Variants in FNDC3A observed in about 807,000 individuals in gnomAD.
The protein encoded by FNDC3A is fibronectin type-III domain-containing protein 3A.
A neutral mutation model predicts 148.9 loss-of-function variants in FNDC3A; 32 were observed. The ratio of observed to expected loss-of-function variants is 0.21; its 90% CI spans 0.16 to 0.29. The LOEUF is 0.29. Among genes scored for constraint, FNDC3A ranks in the 10% least tolerant of loss-of-function variants. FNDC3A has a pLI of 1.00. For synonymous variants in FNDC3A, 472 were observed against 473.6 expected, an observed-to-expected ratio of 1.00 and a Z score of 0.04; for missense variants, 1,191 against 1,452.8, an observed-to-expected ratio of 0.82 and a Z score of 2.93.
intron 25 of FNDC3A, among the ~76,000 whole-genome samples, chr13:49,205,047 A>G (rs1412003824): frequency 6.6e-6 from 1 of 152,218 alleles, no homozygotes; most frequent in Non-Finnish European, 1.5e-5. Context: ...GTACATCAAG[A>G]GTCCCTGTCC....
chr13:49,147,997 A>T (rs1440297971), intron 8 of FNDC3A, among the ~76,000 whole-genome samples: 2 of 152,106 alleles, frequency 1.3e-5, no homozygotes, highest in African/African-American at 2.4e-5. Context: ...GTATTTTTTC[A>T]TATACCTGTT....
intron 2 of FNDC3A, among the ~76,000 whole-genome samples, chr13:49,016,266 T>C (rs886565271): frequency 1.3e-5 from 2 of 152,140 alleles, no homozygotes; most frequent in African/African-American, 4.8e-5. Context: ...TATTGATTAT[T>C]GCCACAATTT....
chr13:49,012,359 C>T (rs746444340), intron 2 of FNDC3A, among the ~76,000 whole-genome samples: 74 of 152,020 alleles, frequency 4.9e-4, no homozygotes, highest in African/African-American at 1.4e-3. Flanking sequence ...GTGATCTGCC[C>T]GCCTCCACCT....
At chr13:49,121,951 A>G (rs1234369456) in intron 4 of FNDC3A, among the ~76,000 whole-genome samples, 2 of 152,224 alleles carry the variant, frequency 1.3e-5, no homozygotes, top group Admixed American at 6.5e-5. Flanking sequence ...TCCTTCTGAA[A>G]GTATTACAAA....
At chr13:49,096,558 C>T (rs1879537032) in intron 3 of FNDC3A, among the ~76,000 whole-genome samples, 1 of 152,078 alleles carries the variant, frequency 6.6e-6, no homozygotes, top group South Asian at 2.1e-4. Flanking sequence ...TGAAGTTTCT[C>T]ACTTCTTTTG....
At chr13:49,184,903 C>T (rs1329085515) in intron 14 of FNDC3A, among the ~76,000 whole-genome samples, 1 of 150,092 alleles carries the variant, frequency 6.7e-6, no homozygotes, top group African/African-American at 2.5e-5. Flanking sequence ...TAAAGGGGCT[C>T]AGAGGGAAAG....
At position 49,197,848 on chromosome 13, in the gene FNDC3A, G is replaced by A. The variant is rs1355135256; in HGVS notation, c.2464G>A (p.Ala822Thr). Residue 822 changes from alanine (A) to threonine (T), a missense_variant, in exon 21 of 26, where the codon GCA becomes ACA. Physicochemically the swap from Ala to Thr is moderately conservative, Grantham distance 58. Around this residue, in one of 3 missense-constraint regions of FNDC3A, gnomAD observed 751 missense variants for 944.0 expected, o/e 0.80. Transcript: ENST00000492622. ...TTATGAAATAAAAGGACTTTCACCA[G>A]CAACTACCTATTATTGCAGGGTCCA... Reference protein sequence around the residue: ...LSYEIKGLSPATTYYCRVQAL... With the variant: ...LSYEIKGLSPTTTYYCRVQAL... 1 of 1,605,440 alleles carries A rather than the reference G, an allele frequency of 6.2e-7. No individual in the cohort carries two copies. The highest frequency in any genetic ancestry group is 8.5e-7 in the Non-Finnish European group (1 of 1,178,138).
chr13:49,124,059 C>T (rs140818208), intron 4 of FNDC3A, among the ~76,000 whole-genome samples: 63 of 152,262 alleles, frequency 4.1e-4, no homozygotes, highest in Non-Finnish European at 8.1e-4. Context: ...TATTGCAGCA[C>T]TATTCACAGT....
intron 8 of FNDC3A, among the ~76,000 whole-genome samples, chr13:49,149,485 T>C (rs751444882): frequency 5.7e-4 from 86 of 152,198 alleles, no homozygotes; most frequent in Non-Finnish European, 8.1e-4. Flanking sequence ...TATGTTGATA[T>C]GGTGTATCAC....
chr13:49,131,304 G>A lies in FNDC3A; in HGVS notation c.420G>A (p.Val140=), dbSNP rs1882019605. 1 of 1,613,924 alleles carries A rather than the reference G, an allele frequency of 6.2e-7. No individual in the cohort carries two copies. The highest frequency in any genetic ancestry group is 1.3e-5 in the African/African-American group (1 of 74,876). ...CACCACGTCATATGTACTCACCCGT[G>A]ACTGGAGCTGGAGACATGACAACAC... The part of the protein sequence containing the change: ...PPPPRHMYSP[V]TGAGDMTTQY... The change falls in exon 5 of 26, where the codon GTG becomes GTA. Residue 140 remains valine, a synonymous_variant. Coordinates refer to ENST00000492622, the MANE Select transcript of FNDC3A (RefSeq NM_001079673.2).
intron 8 of FNDC3A, among the ~76,000 whole-genome samples, chr13:49,162,369 A>G (rs986623295): frequency 1.3e-5 from 2 of 151,982 alleles, no homozygotes; most frequent in African/African-American, 4.8e-5. Context: ...TGCTTCAGTC[A>G]CTGATACCCT....
intron 3 of FNDC3A, among the ~76,000 whole-genome samples, chr13:49,096,256 A>T (rs149656989): frequency 6.6e-6 from 1 of 152,080 alleles, no homozygotes; most frequent in African/African-American, 2.4e-5. Context: ...TATTTTCTCT[A>T]TGGCTCCAGA....
At chr13:49,192,297 TTC>T (rs1382511992) in intron 19 of FNDC3A, among the ~76,000 whole-genome samples, 1 of 152,106 alleles carries the variant, frequency 6.6e-6, no homozygotes, top group Non-Finnish European at 1.5e-5. Context: ...TTCAATTTAT[TTC>T]TGTTTGATTT....
intron 8 of FNDC3A, among the ~76,000 whole-genome samples, chr13:49,163,524 C>G (rs1884286478): frequency 1.3e-5 from 2 of 152,278 alleles, no homozygotes; most frequent in Admixed American, 1.3e-4. Context: ...CCTGATTTTC[C>G]AGGTACCATC....
intron 5 of FNDC3A, among the ~76,000 whole-genome samples, chr13:49,135,539 C>T (rs903415867): frequency 9.2e-5 from 14 of 152,202 alleles, no homozygotes; most frequent in African/African-American, 2.4e-4. Context: ...TAGAGGTCCA[C>T]GTTCATTCTA....
intron 11 of FNDC3A, among the ~76,000 whole-genome samples, chr13:49,172,903 A>G (rs1229129128): frequency 6.6e-6 from 1 of 152,188 alleles, no homozygotes; most frequent in African/African-American, 2.4e-5. Flanking sequence ...TGGGCCACAC[A>G]AAATACTACA....
intron 8 of FNDC3A, among the ~76,000 whole-genome samples, chr13:49,158,476 G>A (rs1402715092): frequency 6.6e-6 from 1 of 152,206 alleles, no homozygotes; most frequent in African/African-American, 2.4e-5. Context: ...GAAATCACCA[G>A]TCTTCTGCGT....
chr13:49,034,469 A>C (rs1263920323), intron 2 of FNDC3A, among the ~76,000 whole-genome samples: 2 of 152,042 alleles, frequency 1.3e-5, no homozygotes, highest in Non-Finnish European at 2.9e-5. Flanking sequence ...TATAACTTTC[A>C]TCACAAAACT....
intron 3 of FNDC3A, among the ~76,000 whole-genome samples, chr13:49,096,165 G>T (rs1038392533): frequency 3.3e-5 from 5 of 152,056 alleles, no homozygotes; most frequent in Non-Finnish European, 7.4e-5. Context: ...TGATTAAAGT[G>T]CATCCAAACA....
Sources: allele counts gnomAD v4.1 joint callset (sites outside exome capture counted in the v4.1 genomes callset), GRCh38; gene constraint gnomAD v4.1.1; regional missense constraint gnomAD v4.1.1; transcripts MANE v1.5; gene names NCBI Gene and HGNC (gene_info 2026-07-23, HGNC 2026-07-21).